Variants in LYRM4 observed in about 807,000 individuals in gnomAD.
LYRM4 encodes LYR motif containing 4, also known as LYR motif-containing protein 4.
Under a neutral mutation model 11.7 loss-of-function variants are expected in LYRM4, and 9 were observed. The observed-to-expected ratio is 0.77, with a 90% CI of 0.46 to 1.34. The LOEUF is 1.34. Ranked by LOEUF, LYRM4 falls within the 40% of genes most tolerant of loss-of-function variation. The pLI is 0.00. For missense variants in LYRM4, 133 were observed against 112.5 expected, an observed-to-expected ratio of 1.18 and a Z score of -0.82; for synonymous variants, 42 against 40.4, an observed-to-expected ratio of 1.04 and a Z score of -0.15.
chr6:5,259,511 C>A lies in LYRM4; in HGVS notation c.86+1137G>T, dbSNP rs373145295. 2.8e-4 allele frequency among the ~76,000 whole-genome samples: 42 copies of A among 152,254 alleles called. No homozygotes were observed. In the South Asian group the frequency reaches 7.9e-3, roughly 29 times the overall value. On this transcript the variant is annotated intron_variant, in intron 1 of 2. Coordinates refer to ENST00000330636, the MANE Select transcript of LYRM4 (RefSeq NM_020408.6). Reference sequence around the variant, plus strand: ...TTGCAGCATGAGTATATTTTCCAGGCGGGTTTCTAAAAATTTGAGAGTCAT... The same window carrying A: ...TTGCAGCATGAGTATATTTTCCAGGAGGGTTTCTAAAAATTTGAGAGTCAT...
the LYRM4 span, chr6:5,085,518 G>A: frequency 6.5e-7 from 1 of 1,538,148 alleles, no homozygotes; most frequent in Non-Finnish European, 8.7e-7. Flanking sequence ...TAAGTTTGGA[G>A]GCGCCGGGAC....
intron 1 of LYRM4, among the ~76,000 whole-genome samples, chr6:5,244,835 A>T (rs924575726): frequency 1.3e-5 from 2 of 151,756 alleles, no homozygotes; most frequent in East Asian, 3.9e-4. Flanking sequence ...TGTCAGGATG[A>T]GTGTGGAGCT....
chr6:5,072,397 G>A, the LYRM4 span, among the ~76,000 whole-genome samples: 1 of 151,956 alleles, frequency 6.6e-6, no homozygotes, highest in Non-Finnish European at 1.5e-5. Context: ...CTGAGGAATC[G>A]CCACACTGTC....
chr6:5,172,082 T>G (rs1479909906), intron 2 of LYRM4, among the ~76,000 whole-genome samples: 1 of 151,722 alleles, frequency 6.6e-6, no homozygotes, highest in Non-Finnish European at 1.5e-5. Context: ...ATGCAAAGAG[T>G]CAACACCCAC....
At chr6:5,149,378 T>G (rs1215034351) in intron 2 of LYRM4, among the ~76,000 whole-genome samples, 1 of 152,122 alleles carries the variant, frequency 6.6e-6, no homozygotes, top group Non-Finnish European at 1.5e-5. Flanking sequence ...GACACAGATA[T>G]CAAGGATGGT....
chr6:5,033,482 G>C, the LYRM4 span: 1 of 152,036 alleles, frequency 6.6e-6, no homozygotes, highest in East Asian at 1.9e-4. Flanking sequence ...ACCACTCACC[G>C]CCGCCCCATT....
chr6:5,197,023 G>A (rs555182951), intron 2 of LYRM4, among the ~76,000 whole-genome samples: 18 of 152,346 alleles, frequency 1.2e-4, no homozygotes, highest in African/African-American at 4.3e-4. Context: ...GACACGAGCA[G>A]TTAGAGAGTA....
At chr6:5,051,984 A>T in the LYRM4 span, among the ~76,000 whole-genome samples, 1 of 152,166 alleles carries the variant, frequency 6.6e-6, no homozygotes, top group African/African-American at 2.4e-5. Flanking sequence ...GTATTAATCT[A>T]TTCATGAAGT....
the LYRM4 span, chr6:5,034,770 T>TTTTTTTTC: frequency 1.4e-5 from 2 of 141,188 alleles, no homozygotes; most frequent in African/African-American, 5.4e-5. Flanking sequence ...TTTTTTTTTT[T>TTTTTTTTC]CAAAAAGCGT....
At chr6:5,102,994 C>T (rs890525432), downstream of LYRM4, 1 of 152,208 alleles carries the variant, frequency 6.6e-6, no homozygotes, top group African/African-American at 2.4e-5. Context: ...CAGCTGCATC[C>T]ATCCTATTCC....
intron 1 of LYRM4, among the ~76,000 whole-genome samples, chr6:5,235,740 A>C (rs1763502292): frequency 6.6e-6 from 1 of 152,206 alleles, no homozygotes; most frequent in Non-Finnish European, 1.5e-5. Context: ...CAGAAAAATA[A>C]TCTGGTTGTG....
intron 2 of LYRM4, among the ~76,000 whole-genome samples, chr6:5,172,303 T>C (rs75036583): frequency 0.013 from 2,002 of 152,250 alleles, 39 homozygotes; most frequent in African/African-American, 0.044. Context: ...GAGCATCACC[T>C]GAGCGGCAAC....
chr6:5,156,494 G>A (rs2127647460), intron 2 of LYRM4, among the ~76,000 whole-genome samples: 1 of 152,326 alleles, frequency 6.6e-6, no homozygotes, highest in Middle Eastern at 3.4e-3. Flanking sequence ...AATAAGGTGG[G>A]GGCAGAAGCC....
At chr6:5,047,344 T>C in the LYRM4 span, among the ~76,000 whole-genome samples, 10 of 152,366 alleles carry the variant, frequency 6.6e-5, no homozygotes, top group African/African-American at 2.4e-4. Flanking sequence ...TATCAGTCTT[T>C]GTCAAACCAG....
chr6:5,189,625 A>G (rs1386983870), intron 2 of LYRM4, among the ~76,000 whole-genome samples: 1 of 152,274 alleles, frequency 6.6e-6, no homozygotes, highest in African/African-American at 2.4e-5. Context: ...TGCCTAAGAC[A>G]GGAAAATTAA....
chr6:5,143,918 T>C (rs953906484), intron 2 of LYRM4, among the ~76,000 whole-genome samples: 1 of 152,268 alleles, frequency 6.6e-6, no homozygotes, highest in Non-Finnish European at 1.5e-5. Context: ...TTCTGCTCAA[T>C]GTTATATATG....
At chr6:5,251,299 A>G (rs961301799) in intron 1 of LYRM4, among the ~76,000 whole-genome samples, 6 of 152,206 alleles carry the variant, frequency 3.9e-5, no homozygotes, top group African/African-American at 1.4e-4. Context: ...ACAAAGTGAA[A>G]GGTGCTTGTT....
chr6:5,080,048 T>A, the LYRM4 span, among the ~76,000 whole-genome samples: 5 of 152,234 alleles, frequency 3.3e-5, no homozygotes, highest in African/African-American at 4.8e-5. Context: ...AAGCCATGAA[T>A]TCTAAAACTT....
intron 2 of LYRM4, among the ~76,000 whole-genome samples, chr6:5,143,807 C>G (rs548060261): frequency 4.1e-4 from 63 of 151,994 alleles, no homozygotes; most frequent in African/African-American, 1.4e-3. Flanking sequence ...ATGCGGCCAG[C>G]AGATGGCGAC....
Sources: allele counts gnomAD v4.1 joint callset (sites outside exome capture counted in the v4.1 genomes callset), GRCh38; gene constraint gnomAD v4.1.1; transcripts MANE v1.5; gene names NCBI Gene and HGNC (gene_info 2026-07-23, HGNC 2026-07-21).